The following IL4I1 variants were observed in gnomAD, a reference collection of about 807,000 sequenced individuals.
IL4I1 encodes the protein interleukin 4 induced 1.
Under a neutral mutation model 29.7 loss-of-function variants are expected in IL4I1, and 24 were observed. The ratio of observed to expected loss-of-function variants is 0.81; its 90% CI spans 0.59 to 1.14. IL4I1 has a LOEUF of 1.14. IL4I1 is among the 50% of genes most tolerant of loss of function. The pLI, the probability that IL4I1 is intolerant of heterozygous loss-of-function variation, is 0.00. For synonymous variants in IL4I1, 371 were observed against 352.5 expected (o/e 1.05, Z -0.59); for missense variants, 686 against 785.6 (o/e 0.87, Z 1.52).
chr19:49,894,207 G>A (rs1395308843), intron 5 of IL4I1, 61 bp downstream of exon 5: 9 of 1,518,424 alleles, frequency 5.9e-6, no homozygotes, highest in African/African-American at 1.4e-5. Context: ...AGCCGGGCCG[G>A]GGCGAGCTTA....
chr19:49,907,379 T>C, intron 2 of IL4I1: 2 of 343,902 alleles, frequency 5.8e-6, no homozygotes, highest in Non-Finnish European at 5.6e-6. Context: ...CTCAACACCC[T>C]GTGTGTGCAG....
intron 5 of IL4I1, 117 bp from the exon 6 acceptor site, chr19:49,891,590 A>G (rs2075140050): frequency 2.3e-6 from 2 of 859,696 alleles, no homozygotes; most frequent in African/African-American, 1.7e-5. Context: ...GCCATTCACC[A>G]CTCTCAAGCC....
At chr19:49,908,070 C>A in intron 2 of IL4I1, 3 of 1,405,492 alleles carry the variant, frequency 2.1e-6, no homozygotes, top group Non-Finnish European at 1.9e-6. Flanking sequence ...GCCCAGAATA[C>A]CCTCCTAAAT....
chr19:49,926,073 A>G (rs2075879240), intron 2 of IL4I1, among the ~76,000 whole-genome samples: 1 of 151,606 alleles, frequency 6.6e-6, no homozygotes, highest in Non-Finnish European at 1.5e-5. Flanking sequence ...GCCAGGCATG[A>G]TGGTGCATGT....
chr19:49,897,347 C>A (rs2075223673), upstream of IL4I1, among the ~76,000 whole-genome samples: 1 of 152,222 alleles, frequency 6.6e-6, no homozygotes, highest in Non-Finnish European at 1.5e-5. Context: ...CCACTTGCCA[C>A]CCAGAGCCTC....
chr19:49,896,970 G>A, upstream of IL4I1: 1 of 803,944 alleles, frequency 1.2e-6, no homozygotes, highest in Non-Finnish European at 1.5e-6. Flanking sequence ...CGAGGGAAAT[G>A]AAACTGGTTT....
At chr19:49,907,942 C>A in intron 2 of IL4I1, 1 of 523,190 alleles carries the variant, frequency 1.9e-6, no homozygotes, top group Non-Finnish European at 3.4e-6. Flanking sequence ...ATCAGCACTT[C>A]TCCATCACCA....
chr19:49,897,312 G>A (rs560799021), upstream of IL4I1, among the ~76,000 whole-genome samples: 10 of 152,210 alleles, frequency 6.6e-5, no homozygotes, highest in Non-Finnish European at 1.5e-4. Flanking sequence ...GTCCTGCAGG[G>A]CCCCCCATGG....
intron 2 of IL4I1, among the ~76,000 whole-genome samples, chr19:49,926,302 G>A (rs545906755): frequency 6.6e-6 from 1 of 151,990 alleles, no homozygotes; most frequent in South Asian, 2.1e-4. Context: ...GGCCGAGGTG[G>A]GTGGATCACC....
At chr19:49,905,995 G>A (rs1045792735) in intron 2 of IL4I1, among the ~76,000 whole-genome samples, 2 of 152,074 alleles carry the variant, frequency 1.3e-5, no homozygotes, top group Non-Finnish European at 2.9e-5. Flanking sequence ...AGACTGAGAT[G>A]GAACAGGCAG....
At chr19:49,924,282 G>A (rs2075831852) in intron 2 of IL4I1, among the ~76,000 whole-genome samples, 1 of 152,132 alleles carries the variant, frequency 6.6e-6, no homozygotes. Flanking sequence ...TGTGATCTGA[G>A]GCCCCTTCTT....
At chr19:49,894,228 A>G in intron 5 of IL4I1, 40 bp downstream of exon 5, 4 of 1,586,352 alleles carry the variant, frequency 2.5e-6, no homozygotes, top group Non-Finnish European at 3.4e-6. Context: ...GGAGGAGGAC[A>G]GAGAAGTCAG....
At position 49,921,192 on chromosome 19, in the gene IL4I1, A is replaced by G. The variant is rs898164208; in HGVS notation, c.-228+6502T>C. On this transcript the variant is annotated intron_variant, in intron 2 of 9. Transcript: ENST00000341114. The surrounding 1 kb of genome is among the most constrained non-coding windows in gnomAD (Gnocchi z 5.4). ...AGCAATGTGACGAAGCGAAACTATC[A>G]TGGCTCCCATTTATAAATGAGCAAA... Among the ~76,000 whole-genome samples the G allele has an allele frequency of 1.3e-5, 2 of 152,084 alleles. No homozygotes were observed. The highest frequency in any genetic ancestry group is 1.9e-4 in the East Asian group (1 of 5,188).
At chr19:49,896,719 C>A in intron 1 of IL4I1, 116 bp downstream of exon 1, 6 of 596,140 alleles carry the variant, frequency 1.0e-5, no homozygotes, top group Non-Finnish European at 1.3e-5. Flanking sequence ...CAGGCATGAG[C>A]CCCCGCGCCC....
intron 1 of IL4I1, chr19:49,929,178 T>C (rs1032206637): frequency 4.6e-5 from 6 of 131,432 alleles, no homozygotes; most frequent in African/African-American, 1.6e-4. Flanking sequence ...CCAGTATATA[T>C]CTGTCCCCAG....
intron 6 of IL4I1, 104 bp from the exon 7 acceptor site, chr19:49,891,211 G>C: frequency 6.7e-7 from 1 of 1,490,128 alleles, no homozygotes; most frequent in Non-Finnish European, 9.2e-7. Context: ...TCCTTGGACC[G>C]TAGGATCCTG....
chr19:49,898,115 G>A (rs1166870455), upstream of IL4I1, among the ~76,000 whole-genome samples: 1 of 152,222 alleles, frequency 6.6e-6, no homozygotes, highest in Non-Finnish European at 1.5e-5. Flanking sequence ...GATGTCAGGA[G>A]TTCAAGACCA....
chr19:49,898,031 A>G (rs1362418030), upstream of IL4I1, among the ~76,000 whole-genome samples: 3 of 152,208 alleles, frequency 2.0e-5, no homozygotes, highest in Non-Finnish European at 2.9e-5. Flanking sequence ...GTCAGCAAAA[A>G]TAGTGACGAG....
chr19:49,928,500 G>A (rs1308429078), intron 1 of IL4I1: 1 of 147,086 alleles, frequency 6.8e-6, no homozygotes, highest in African/African-American at 2.5e-5. Context: ...CTGGGCGACA[G>A]AGACGGAGAG....
Sources: gnomAD v4.1 joint callset for allele counts (sites outside exome capture counted in the v4.1 genomes callset) on GRCh38, gnomAD v4.1.1 for gene constraint, Gnocchi (gnomAD v3.1) non-coding constraint, MANE v1.5 for transcripts, NCBI Gene and HGNC (gene_info 2026-07-23, HGNC 2026-07-21) for gene names.